PTK2: variants seen among roughly 807,000 people sequenced by gnomAD.
PTK2 encodes protein tyrosine kinase 2.
A neutral mutation model predicts 150.1 loss-of-function variants in PTK2; 45 were observed. That is an observed-to-expected ratio of 0.30 (90% CI 0.24 to 0.38). PTK2 has a LOEUF of 0.38. Ranked by LOEUF, PTK2 falls within the 10% of genes least tolerant of loss-of-function variation. The pLI, the probability that PTK2 is intolerant of heterozygous loss-of-function variation, is 1.00. For synonymous variants in PTK2, 432 were observed against 449.2 expected (o/e 0.96, Z 0.48); for missense variants, 919 against 1,307.3 (o/e 0.70, Z 4.58).
intron 27 of PTK2, among the ~76,000 whole-genome samples, chr8:140,679,003 G>GTTTTTTTTTTTTTTTTTTTTTTTTTT (rs533089786): frequency 1.4e-5 from 1 of 68,988 alleles, no homozygotes; most frequent in Non-Finnish European, 2.5e-5. Flanking sequence ...TGCTCCCCAT[G>GTTTTTTTTTTTTTTTTTTTTTTTTTT]TTTTTTTTTT....
rs143140676 is a variant in PTK2, at chr8:140,869,348, G to A, written c.363-4949C>T. Among the ~76,000 whole-genome samples the A allele has an allele frequency of 2.0e-5, 3 of 152,242 alleles. No individual in the cohort carries two copies. In the East Asian group the frequency reaches 5.8e-4, roughly 29 times the overall value. On this transcript the variant is annotated intron_variant, in intron 4 of 31. Coordinates refer to ENST00000522684, the Ensembl canonical transcript of PTK2. Reference sequence around the variant, plus strand: ...TCTAAAGATGAACAGTCTAACTTGGGTAACCATACATCTAAAATTGATGCC... The same window carrying A: ...TCTAAAGATGAACAGTCTAACTTGGATAACCATACATCTAAAATTGATGCC...
chr8:140,896,900 T>A (rs920682127), intron 2 of PTK2, among the ~76,000 whole-genome samples: 3 of 150,604 alleles, frequency 2.0e-5, no homozygotes, highest in African/African-American at 7.3e-5. Flanking sequence ...GAAGAAAATC[T>A]AAAAGAATCT....
intron 1 of PTK2, among the ~76,000 whole-genome samples, chr8:140,983,573 T>C (rs968921970): frequency 1.3e-5 from 2 of 152,052 alleles, no homozygotes; most frequent in African/African-American, 4.8e-5. Context: ...AACTTGTCCA[T>C]GTGCCTGCCA....
intron 22 of PTK2, among the ~76,000 whole-genome samples, chr8:140,731,581 C>G (rs2100049402): frequency 6.6e-6 from 1 of 152,066 alleles, no homozygotes; most frequent in African/African-American, 2.4e-5. Context: ...AAAATCACTT[C>G]TCAACTAATA....
intron 18 of PTK2, among the ~76,000 whole-genome samples, chr8:140,745,337 T>C (rs1028121809): frequency 4.6e-5 from 7 of 152,192 alleles, no homozygotes; most frequent in Non-Finnish European, 7.3e-5. Flanking sequence ...ACACCATTAA[T>C]AGAGGTAAAT....
intron 1 of PTK2, among the ~76,000 whole-genome samples, chr8:140,998,447 T>C (rs1273079534): frequency 6.6e-6 from 1 of 152,142 alleles, no homozygotes; most frequent in Non-Finnish European, 1.5e-5. Context: ...AATTATTTTT[T>C]ACATTATAGA....
chr8:140,670,478 A>AC (rs891055962), intron 29 of PTK2, among the ~76,000 whole-genome samples: 1 of 58,990 alleles, frequency 1.7e-5, no homozygotes, highest in African/African-American at 5.8e-5. Flanking sequence ...AAAAAAAAAA[A>AC]AAAAACAACA....
intron 17 of PTK2, among the ~76,000 whole-genome samples, chr8:140,747,479 G>A (rs562300732): frequency 1.1e-3 from 19 of 18,052 alleles, no homozygotes; most frequent in African/African-American, 7.2e-3. Flanking sequence ...GAAGAGGAGG[G>A]GGAAGAGGAG....
intron 2 of PTK2, among the ~76,000 whole-genome samples, chr8:140,909,862 C>T (rs2100162416): frequency 6.6e-6 from 1 of 151,978 alleles, no homozygotes; most frequent in African/African-American, 2.4e-5. Flanking sequence ...TTTATGAATG[C>T]TTGTCAAAAA....
chr8:140,820,139 G>A (rs1222415815), intron 8 of PTK2, among the ~76,000 whole-genome samples: 17 of 115,206 alleles, frequency 1.5e-4, no homozygotes, highest in Admixed American at 4.8e-4. Flanking sequence ...TCACTCTGTC[G>A]CCCAGACTGG....
At chr8:140,879,379 A>G (rs887102833) in intron 4 of PTK2, 92 bp downstream of exon 4, 1 of 1,328,184 alleles carries the variant, frequency 7.5e-7, no homozygotes, top group Non-Finnish European at 1.0e-6. Context: ...AGCAGTGTGA[A>G]AATTAAACAT....
chr8:140,790,824 T>C (rs1320338970), intron 13 of PTK2, among the ~76,000 whole-genome samples: 2 of 152,250 alleles, frequency 1.3e-5, no homozygotes, highest in African/African-American at 2.4e-5. Context: ...ACATGATTTA[T>C]CACAACTTAT....
rs531828271 is a variant in PTK2 at position 140,739,373 on chromosome 8, T to C, written c.1736-266A>G. Among the ~76,000 whole-genome samples, 21 of 152,278 alleles carry C rather than the reference T, an allele frequency of 1.4e-4. No homozygotes were observed. In the South Asian group the frequency reaches 4.4e-3, roughly 32 times the overall value. On this transcript the variant is annotated intron_variant, in intron 20 of 31. Coordinates refer to ENST00000522684, the Ensembl canonical transcript of PTK2. ...AACAGGGAGGGAGAGCAAACCTCGG[T>C]TTACCAGGGGTTTAGGTGCAGGTAT...
intron 20 of PTK2, among the ~76,000 whole-genome samples, chr8:140,742,805 C>T (rs373055990): frequency 6.6e-6 from 1 of 152,320 alleles, no homozygotes; most frequent in East Asian, 1.9e-4. Flanking sequence ...TCTGTAGCTT[C>T]TCTTTTCATC....
At chr8:140,697,963 G>A (rs2100027868) in intron 26 of PTK2, among the ~76,000 whole-genome samples, 2 of 145,538 alleles carry the variant, frequency 1.4e-5, no homozygotes. Context: ...CCGAGAAGCT[G>A]AGATTATAGT....
intron 17 of PTK2, among the ~76,000 whole-genome samples, chr8:140,751,658 A>C (rs1200092571): frequency 6.6e-6 from 1 of 151,798 alleles, no homozygotes. Context: ...TGCACGGCTA[A>C]TTTTTTGTAT....
At chr8:140,774,121 T>C (rs1170821334) in intron 14 of PTK2, among the ~76,000 whole-genome samples, 1 of 152,200 alleles carries the variant, frequency 6.6e-6, no homozygotes, top group Non-Finnish European at 1.5e-5. Flanking sequence ...CTTTGAAAAA[T>C]GACAGACGAT....
exon 32 of PTK2, chr8:140,658,307 A>T (rs2075180635): frequency 5.9e-6 from 1 of 169,632 alleles, no homozygotes; most frequent in Non-Finnish European, 1.3e-5. Context: ...CCTGATAATT[A>T]TTGGGAACTC....
At chr8:140,697,870 T>G (rs1320174145) in intron 26 of PTK2, among the ~76,000 whole-genome samples, 19 of 139,462 alleles carry the variant, frequency 1.4e-4, no homozygotes, top group East Asian at 8.4e-4. Flanking sequence ...TTTTTTTTTT[T>G]TTTTTTTTTT....
Sources: gnomAD v4.1 joint callset for allele counts (sites outside exome capture counted in the v4.1 genomes callset) on GRCh38, gnomAD v4.1.1 for gene constraint, MANE v1.5 for transcripts, NCBI Gene and HGNC (gene_info 2026-07-23, HGNC 2026-07-21) for gene names.